MAGI2: variants seen among roughly 807,000 people sequenced by gnomAD.
The protein encoded by MAGI2 is membrane associated guanylate kinase, WW and PDZ domain containing 2, also known as membrane-associated guanylate kinase, WW and PDZ domain-containing protein 2.
Under a neutral mutation model 133.3 loss-of-function variants are expected in MAGI2, and 35 were observed. The observed-to-expected ratio is 0.26, with a 90% CI of 0.20 to 0.35. The LOEUF (loss-of-function observed/expected upper bound fraction) is 0.35, where lower values mean the gene tolerates loss of function less well. Among genes scored for constraint, MAGI2 ranks in the 10% least tolerant of loss-of-function variants. The pLI, the probability that MAGI2 is intolerant of heterozygous loss-of-function variation, is 1.00. For missense variants in MAGI2, 1,636 were observed against 1,863.4 expected, an observed-to-expected ratio of 0.88 and a Z score of 2.25; for synonymous variants, 729 against 710.6, an observed-to-expected ratio of 1.03 and a Z score of -0.41.
intron 6 of MAGI2, among the ~76,000 whole-genome samples, chr7:78,385,166 A>C (rs1795267100): frequency 6.6e-6 from 1 of 152,184 alleles, no homozygotes; most frequent in Non-Finnish European, 1.5e-5. Flanking sequence ...AAAGGAAGTA[A>C]TCCACAGACA....
chr7:78,387,964 AT>A (rs1171920010), intron 6 of MAGI2, among the ~76,000 whole-genome samples: 79 of 131,170 alleles, frequency 6.0e-4, no homozygotes, highest in Non-Finnish European at 1.0e-3. Context: ...AAATAAATAA[AT>A]AAATAAATAA....
intron 21 of MAGI2, among the ~76,000 whole-genome samples, chr7:78,057,477 C>G (rs1174868295): frequency 2.0e-5 from 3 of 152,114 alleles, no homozygotes; most frequent in Admixed American, 6.5e-5. Context: ...TTCCTGACCT[C>G]AGGTGATCCA....
At chr7:78,400,722 G>A (rs1796782296) in intron 6 of MAGI2, among the ~76,000 whole-genome samples, 2 of 152,164 alleles carry the variant, frequency 1.3e-5, no homozygotes, top group Admixed American at 1.3e-4. Context: ...TTTTAGGTTG[G>A]AAGTGACATG....
At chr7:78,112,600 C>T (rs952065178) in intron 20 of MAGI2, among the ~76,000 whole-genome samples, 3 of 152,208 alleles carry the variant, frequency 2.0e-5, no homozygotes, top group African/African-American at 7.2e-5. Flanking sequence ...TGGCCATGGA[C>T]TTGAAAAGCA....
chr7:78,459,389 C>T (rs185682405), intron 6 of MAGI2, among the ~76,000 whole-genome samples: 2 of 152,202 alleles, frequency 1.3e-5, no homozygotes, highest in African/African-American at 2.4e-5. Context: ...TGGCTCATTT[C>T]CTTTTTTAGT....
At chr7:78,778,428 C>G (rs960601396) in intron 2 of MAGI2, among the ~76,000 whole-genome samples, 1 of 152,152 alleles carries the variant, frequency 6.6e-6, no homozygotes, top group African/African-American at 2.4e-5. Flanking sequence ...TATGTGTTAT[C>G]TAAAGTAGGG....
chr7:78,437,415 C>A (rs540650549), intron 6 of MAGI2, among the ~76,000 whole-genome samples: 6 of 152,170 alleles, frequency 3.9e-5, no homozygotes, highest in Non-Finnish European at 8.8e-5. Context: ...GAGGGCATAA[C>A]AGATTCTAAA....
chr7:78,468,658 G>T (rs947129671), intron 6 of MAGI2, among the ~76,000 whole-genome samples: 1 of 151,930 alleles, frequency 6.6e-6, no homozygotes, highest in African/African-American at 2.4e-5. Context: ...AATTGGCTTT[G>T]CTTTTTCATA....
chr7:78,972,877 A>T (rs1803905939), intron 2 of MAGI2, among the ~76,000 whole-genome samples: 1 of 151,700 alleles, frequency 6.6e-6, no homozygotes, highest in Non-Finnish European at 1.5e-5. Context: ...GGAGGTATTT[A>T]CGGCTAAAAT....
chr7:79,331,205 T>G (rs1237128787), intron 1 of MAGI2, among the ~76,000 whole-genome samples: 1 of 152,172 alleles, frequency 6.6e-6, no homozygotes, highest in African/African-American at 2.4e-5. Flanking sequence ...ATTACTAAAT[T>G]TAAAGGCTTT....
chr7:79,349,402 C>A, intron 1 of MAGI2, among the ~76,000 whole-genome samples: 1 of 151,896 alleles, frequency 6.6e-6, no homozygotes, highest in East Asian at 1.9e-4. Flanking sequence ...TTCTTAGGAT[C>A]TCACCTCTTA....
chr7:78,250,399 T>C (rs1279593204), intron 10 of MAGI2, among the ~76,000 whole-genome samples: 2 of 152,090 alleles, frequency 1.3e-5, no homozygotes, highest in African/African-American at 2.4e-5. Context: ...AAAGAAGTAG[T>C]TGGAGTGAAA....
intron 21 of MAGI2, among the ~76,000 whole-genome samples, chr7:78,063,687 C>T (rs1192958338): frequency 6.6e-6 from 1 of 152,046 alleles, no homozygotes; most frequent in Non-Finnish European, 1.5e-5. Flanking sequence ...TATCTTTTTT[C>T]CACTCTGGTG....
At chr7:78,306,538 TAAA>T (rs1798257921) in intron 9 of MAGI2, among the ~76,000 whole-genome samples, 1 of 152,180 alleles carries the variant, frequency 6.6e-6, no homozygotes, top group African/African-American at 2.4e-5. Context: ...GTCATTTAAA[TAAA>T]AGACAAGCTG....
At chr7:79,271,873 A>G (rs1197412315) in intron 1 of MAGI2, among the ~76,000 whole-genome samples, 2 of 151,948 alleles carry the variant, frequency 1.3e-5, no homozygotes, top group Non-Finnish European at 2.9e-5. Flanking sequence ...CCCCCTCACA[A>G]ACTCTCCCCA....
chr7:78,985,484 A>G (rs1302968216), intron 2 of MAGI2, among the ~76,000 whole-genome samples: 1 of 152,082 alleles, frequency 6.6e-6, no homozygotes, highest in Non-Finnish European at 1.5e-5. Context: ...ATGTCCTATG[A>G]ACAATAAAAG....
At chr7:78,788,919 G>C (rs1282097744) in intron 2 of MAGI2, among the ~76,000 whole-genome samples, 1 of 152,044 alleles carries the variant, frequency 6.6e-6, no homozygotes, top group Non-Finnish European at 1.5e-5. Context: ...TGGCTCGTCT[G>C]CCTCTGTACC....
At chr7:78,600,989 C>G (rs1455269718) in intron 3 of MAGI2, among the ~76,000 whole-genome samples, 4 of 151,990 alleles carry the variant, frequency 2.6e-5, no homozygotes, top group African/African-American at 9.7e-5. Flanking sequence ...TTTTGTGCTA[C>G]TTAACTTTTA....
At chr7:78,862,975 A>T (rs774535624) in intron 2 of MAGI2, among the ~76,000 whole-genome samples, 5 of 152,270 alleles carry the variant, frequency 3.3e-5, no homozygotes, top group Admixed American at 1.3e-4. Context: ...CAATGCTAGA[A>T]GTAACAAACT....
Sources: allele counts gnomAD v4.1 joint callset (sites outside exome capture counted in the v4.1 genomes callset), GRCh38; gene constraint gnomAD v4.1.1; transcripts MANE v1.5; gene names NCBI Gene and HGNC (gene_info 2026-07-23, HGNC 2026-07-21).